The following HTR4 variants were observed in gnomAD, a reference collection of about 807,000 sequenced individuals.
HTR4 encodes the protein 5-hydroxytryptamine (serotonin) receptor 4, G protein-coupled.
In HTR4, 16 loss-of-function variants were observed where a neutral mutation model predicts 36.8. The observed-to-expected ratio is 0.43, with a 90% confidence interval of 0.29 to 0.66. HTR4 has a LOEUF of 0.66. HTR4 is among the 30% of genes least tolerant of loss of function. The pLI, the probability that HTR4 is intolerant of heterozygous loss-of-function variation, is 0.13. For missense variants in HTR4, 438 were observed against 490.9 expected, an observed-to-expected ratio of 0.89 and a Z score of 1.02; for synonymous variants, 189 against 185.1, an observed-to-expected ratio of 1.02 and a Z score of -0.17.
intron 2 of HTR4, among the ~76,000 whole-genome samples, chr5:148,562,351 G>T (rs1201617039): frequency 1.3e-5 from 2 of 152,152 alleles, no homozygotes; most frequent in African/African-American, 4.8e-5. Flanking sequence ...AAGACACAAA[G>T]ACCTATAAGA....
chr5:148,459,591 G>A (rs1371116006), intron 5 of HTR4, among the ~76,000 whole-genome samples: 2 of 152,098 alleles, frequency 1.3e-5, no homozygotes, highest in East Asian at 3.9e-4. Context: ...AGAAGACAGA[G>A]AACTAATCAC....
chr5:148,616,542 G>A (rs1480964498), intron 2 of HTR4, among the ~76,000 whole-genome samples: 1 of 152,082 alleles, frequency 6.6e-6, no homozygotes, highest in Non-Finnish European at 1.5e-5. Flanking sequence ...CTCTTCAGTT[G>A]CTGTGATAAT....
chr5:148,514,198 C>T (rs1016295502), intron 5 of HTR4, among the ~76,000 whole-genome samples: 1 of 152,130 alleles, frequency 6.6e-6, no homozygotes, highest in East Asian at 1.9e-4. Context: ...AGGGGATGAG[C>T]CTTCAATAAT....
chr5:148,589,818 A>T (rs1486716959), intron 2 of HTR4, among the ~76,000 whole-genome samples: 3 of 152,140 alleles, frequency 2.0e-5, no homozygotes, highest in Non-Finnish European at 4.4e-5. Context: ...TCTAATTAAT[A>T]TGCCACCTCA....
In HTR4 at chr5:148,550,237, C is replaced by G. The variant is rs891308953; in HGVS notation, c.52G>C (p.Glu18Gln). 2.5e-6 allele frequency: 4 copies of G among 1,614,022 alleles called. No individual in the cohort carries two copies. The African/African-American group carries it at 5.3e-5, about 22-fold the overall frequency. The change falls in exon 3 of 7, where the codon GAG becomes CAG. Residue 18 changes from glutamate (E) to glutamine (Q), a missense_variant. Physicochemically the swap from Glu to Gln is conservative, Grantham distance 29. Coordinates refer to ENST00000377888, the MANE Select transcript of HTR4 (RefSeq NM_000870.7). The stretch of plus-strand genomic sequence containing the variant: ...AGAAACGTGAGCAGCACCACCTTCT[C>G]CACTGACCCGAAACCCTCCTCAGAA... Reference protein sequence around the residue: ...VSSEEGFGSVEKVVLLTFLST... With the variant: ...VSSEEGFGSVQKVVLLTFLST...
intron 4 of HTR4, among the ~76,000 whole-genome samples, chr5:148,523,548 G>GAAGGGAAAA (rs2113797893): frequency 6.6e-6 from 1 of 152,142 alleles, no homozygotes; most frequent in South Asian, 2.1e-4. Flanking sequence ...GTAAAAAGAG[G>GAAGGGAAAA]AGAGCAAGTG....
intron 2 of HTR4, among the ~76,000 whole-genome samples, chr5:148,577,326 G>A (rs1760964381): frequency 6.6e-6 from 1 of 152,102 alleles, no homozygotes; most frequent in Admixed American, 6.6e-5. Flanking sequence ...AACAGAGGCT[G>A]GTGAGGTTGC....
chr5:148,583,654 T>C (rs1299876448), intron 2 of HTR4, among the ~76,000 whole-genome samples: 1 of 150,268 alleles, frequency 6.7e-6, no homozygotes. Flanking sequence ...TCATCATTAT[T>C]ATCATCATTT....
chr5:148,572,830 C>T (rs1377209964), intron 2 of HTR4, among the ~76,000 whole-genome samples: 4 of 152,084 alleles, frequency 2.6e-5, no homozygotes, highest in African/African-American at 9.7e-5. Flanking sequence ...CTCCTCATGT[C>T]AGAACATGAC....
chr5:148,492,357 T>C (rs56859454), intron 6 of HTR4, among the ~76,000 whole-genome samples: 3,318 of 152,306 alleles, frequency 0.022, 120 homozygotes, highest in African/African-American at 0.072. Flanking sequence ...GCACAGGGTA[T>C]GATGTACCCA....
intron 6 of HTR4, among the ~76,000 whole-genome samples, chr5:148,498,168 G>A (rs1249776967): frequency 1.3e-5 from 2 of 152,112 alleles, no homozygotes; most frequent in Non-Finnish European, 2.9e-5. Context: ...TAAGTAAAAG[G>A]GCCATAAGGA....
At chr5:148,547,112 T>C (rs189191779) in intron 4 of HTR4, among the ~76,000 whole-genome samples, 12 of 152,260 alleles carry the variant, frequency 7.9e-5, no homozygotes, top group African/African-American at 2.6e-4. Context: ...AGCAGGCCAT[T>C]ATGACTACCA....
chr5:148,641,517 G>A (rs148489417), intron 1 of HTR4, among the ~76,000 whole-genome samples: 167 of 152,334 alleles, frequency 1.1e-3, no homozygotes, highest in Non-Finnish European at 1.6e-3. Flanking sequence ...ACAAATGCAT[G>A]TCTCAATAGT....
At chr5:148,517,261 C>T (rs1294866344) in intron 5 of HTR4, among the ~76,000 whole-genome samples, 1 of 152,124 alleles carries the variant, frequency 6.6e-6, no homozygotes, top group Admixed American at 6.6e-5. Context: ...CTGTCCTTTA[C>T]TGCCCTTCGT....
Position 148,611,023 on chromosome 5 carries a change from T to C in HTR4, c.26+25966A>G, listed in dbSNP as rs539365512. Among the ~76,000 whole-genome samples the C allele has an allele frequency of 2.0e-3, 298 of 149,580 alleles. 4 individuals carry two copies. Among genetic ancestry groups the C allele is most frequent in the African/African-American group, 7.0e-3 (285 of 40,444 alleles). On this transcript the variant is annotated intron_variant, in intron 2 of 6. Coordinates refer to ENST00000377888, the MANE Select transcript of HTR4 (RefSeq NM_000870.7). ...GCAAAGCCTCCAAGAAATATGGGAC[T>C]ATGTGAAAAGACCAAATCTACGTCT...
chr5:148,531,452 C>A (rs1758563278), intron 4 of HTR4, among the ~76,000 whole-genome samples: 1 of 152,130 alleles, frequency 6.6e-6, no homozygotes, highest in Admixed American at 6.5e-5. Context: ...ATGTGCCTTT[C>A]CCCTTCTGCC....
chr5:148,646,834 G>A (rs1223587418), intron 1 of HTR4, among the ~76,000 whole-genome samples: 1 of 152,158 alleles, frequency 6.6e-6, no homozygotes, highest in Non-Finnish European at 1.5e-5. Flanking sequence ...TGAGGCATAG[G>A]AAAGAGGAGC....
intron 5 of HTR4, chr5:148,465,798 GA>G (rs1280655365): frequency 1.3e-6 from 2 of 1,577,806 alleles, no homozygotes; most frequent in Non-Finnish European, 1.7e-6. Context: ...TTTGTATAAA[GA>G]AATAAATAGG....
Position 148,511,516 on chromosome 5 carries a change from G to A in HTR4, c.508-1492C>T, listed in dbSNP as rs573665630. Among the ~76,000 whole-genome samples, 6 of 151,880 alleles carry A rather than the reference G, an allele frequency of 4.0e-5. No individual in the cohort carries two copies. The South Asian group carries it at 1.3e-3, about 32-fold the overall frequency. On this transcript the variant is annotated intron_variant, in intron 5 of 6. Transcript: ENST00000377888. ...ATTGTAGTATAATATTGCATTATAG[G>A]AATAAACTACAATATTACATATTCC...
Sources: allele counts gnomAD v4.1 joint callset (sites outside exome capture counted in the v4.1 genomes callset), GRCh38; gene constraint gnomAD v4.1.1; transcripts MANE v1.5; gene names NCBI Gene and HGNC (gene_info 2026-07-23, HGNC 2026-07-21).